The following ALDH3B2 variants were observed in gnomAD, a reference collection of about 807,000 sequenced individuals.
ALDH3B2 encodes the protein aldehyde dehydrogenase 3 family member B2.
Under a neutral mutation model 36.7 loss-of-function variants are expected in ALDH3B2, and 45 were observed. The observed-to-expected ratio is 1.23, with a 90% CI of 0.97 to 1.57. The LOEUF is 1.57. Ranked by LOEUF, ALDH3B2 falls within the 40% of genes most tolerant of loss-of-function variation. The pLI is 0.00. For missense variants in ALDH3B2, 464 were observed against 513.3 expected, an observed-to-expected ratio of 0.90 and a Z score of 0.93; for synonymous variants, 217 against 226.5, an observed-to-expected ratio of 0.96 and a Z score of 0.38.
At chr11:67,666,231 C>A (rs200854518) in intron 5 of ALDH3B2, 28 bp from the exon 6 acceptor site, 7 of 1,499,406 alleles carry the variant, frequency 4.7e-6, no homozygotes, top group Middle Eastern at 3.4e-4. Flanking sequence ...AGGCTCGGGG[C>A]GGGCTCGGGG....
chr11:67,673,004 C>G (rs1316828536), intron 1 of ALDH3B2, among the ~76,000 whole-genome samples: 1 of 150,230 alleles, frequency 6.7e-6, no homozygotes, highest in Non-Finnish European at 1.5e-5. Context: ...GATCTCAGCT[C>G]ACTGCAAACT....
chr11:67,675,492 C>T (rs140087296), upstream of ALDH3B2, among the ~76,000 whole-genome samples: 1,021 of 152,306 alleles, frequency 6.7e-3, 9 homozygotes, highest in African/African-American at 0.023. Flanking sequence ...ACCCCACCTT[C>T]CCCCAAGCCT....
At chr11:67,665,810 A>C (rs1204383157) in intron 6 of ALDH3B2, 139 bp from the exon 7 acceptor site, 1 of 1,344,084 alleles carries the variant, frequency 7.4e-7, no homozygotes, top group East Asian at 2.3e-5. Context: ...CCCCATCCTC[A>C]ACTGGCCTTG....
chr11:67,668,385 G>A (rs1855980048), intron 1 of ALDH3B2, among the ~76,000 whole-genome samples: 1 of 152,150 alleles, frequency 6.6e-6, no homozygotes, highest in South Asian at 2.1e-4. Context: ...CCCCAGTGGG[G>A]TCTGGAGAGG....
intron 1 of ALDH3B2, among the ~76,000 whole-genome samples, chr11:67,672,102 TTGTG>T (rs71058721): frequency 0.74 from 36,543 of 49,386 alleles, 14,820 homozygotes; most frequent in South Asian, 0.94. Flanking sequence ...TGTATGTATT[TTGTG>T]TGTGTGTGTG....
chr11:67,672,065 ATATATATATATATATATATATATG>A (rs1300733176), intron 1 of ALDH3B2, among the ~76,000 whole-genome samples: 1 of 80,086 alleles, frequency 1.2e-5, no homozygotes, highest in African/African-American at 5.4e-5. Flanking sequence ...ATATATATAT[ATATATATATATATATATATATATG>A]TATGTATGTA....
intron 4 of ALDH3B2, 74 bp downstream of exon 4, chr11:67,666,500 A>G: frequency 6.2e-7 from 1 of 1,607,380 alleles, no homozygotes; most frequent in South Asian, 1.1e-5. Context: ...GGTACCTCAG[A>G]GCAAGATTCC....
chr11:67,667,292 C>T (rs962535367), intron 2 of ALDH3B2, among the ~76,000 whole-genome samples, 181 bp downstream of exon 2: 6 of 152,022 alleles, frequency 3.9e-5, no homozygotes, highest in Admixed American at 1.3e-4. Flanking sequence ...CACAGGGTGG[C>T]TGTGAGTGTT....
At chr11:67,675,704 C>A (rs939469402), upstream of ALDH3B2, among the ~76,000 whole-genome samples, 1 of 152,170 alleles carries the variant, frequency 6.6e-6, no homozygotes, top group Admixed American at 6.5e-5. Context: ...AGGAAGGGAC[C>A]TCGGGATGGG....
upstream of ALDH3B2, among the ~76,000 whole-genome samples, chr11:67,678,720 T>TAC (rs1565252721): frequency 2.9e-3 from 430 of 150,398 alleles, 2 homozygotes; most frequent in African/African-American, 0.01. Flanking sequence ...TATATATATA[T>TAC]ATACACGCTA....
At chr11:67,680,946 T>G (rs1206194145) in intron 1 of ALDH3B2, among the ~76,000 whole-genome samples, 1 of 152,118 alleles carries the variant, frequency 6.6e-6, no homozygotes, top group African/African-American at 2.4e-5. Context: ...AGGGCAGGGT[T>G]TGAGGGATAT....
At chr11:67,666,285 T>A (rs1855908192) in intron 5 of ALDH3B2, 31 bp downstream of exon 5, 1 of 1,611,738 alleles carries the variant, frequency 6.2e-7, no homozygotes, top group Non-Finnish European at 8.5e-7. Flanking sequence ...TATGGGGACG[T>A]CGGGCACTGC....
rs147516066 is a variant in ALDH3B2, at chr11:67,672,659, G to A, written c.-245+1778C>T. Among the ~76,000 whole-genome samples the A allele has an allele frequency of 1.7e-3, 259 of 150,020 alleles. 4 individuals are homozygous for A. In the East Asian group the frequency reaches 0.027, roughly 16 times the overall value. On this transcript the variant is annotated intron_variant, in intron 1 of 9. Transcript: ENST00000349015. The stretch of plus-strand genomic sequence containing the variant: ...GCTGGAGTGCAACTGGCATGATCTC[G>A]GCTCACTGCAACCTCTGCCTCCCAG...
exon 6 of ALDH3B2, chr11:67,666,125 TGAA>T (rs772211382): frequency 3.2e-5 from 52 of 1,608,712 alleles, no homozygotes; most frequent in Non-Finnish European, 4.2e-5. Flanking sequence ...CCCTCACCTG[TGAA>T]GAAGATGTAG....
At chr11:67,674,120 C>A (rs1431497728) in intron 1 of ALDH3B2, among the ~76,000 whole-genome samples, 5 of 152,214 alleles carry the variant, frequency 3.3e-5, no homozygotes, top group African/African-American at 9.6e-5. Flanking sequence ...TCTCCTCTAA[C>A]CTGGGAGCTC....
At chr11:67,666,643 G>A (rs2134136164) in exon 4 of ALDH3B2, 2 of 1,614,200 alleles carry the variant, frequency 1.2e-6, no homozygotes, top group East Asian at 2.2e-5. Flanking sequence ...GCGATGATGA[G>A]GACCAGGCCA....
intron 1 of ALDH3B2, among the ~76,000 whole-genome samples, chr11:67,670,286 G>T (rs545335355): frequency 3.6e-4 from 54 of 150,646 alleles, no homozygotes; most frequent in Non-Finnish European, 3.4e-4. Context: ...GTCTGTGTGT[G>T]TATGGGTGTC....
chr11:67,664,491 G>A (rs759678603), exon 8 of ALDH3B2: 1 of 1,614,120 alleles, frequency 6.2e-7, no homozygotes, highest in South Asian at 1.1e-5. Flanking sequence ...TTCACGATGG[G>A]CAGGATGGGC....
chr11:67,665,426 G>C (rs776019552), exon 7 of ALDH3B2: 6 of 1,614,096 alleles, frequency 3.7e-6, no homozygotes, highest in South Asian at 1.1e-5. Context: ...CCATAGAAAC[G>C]GGTGATGGTG....
Sources: allele counts gnomAD v4.1 joint callset (sites outside exome capture counted in the v4.1 genomes callset), GRCh38; gene constraint gnomAD v4.1.1; transcripts MANE v1.5; gene names NCBI Gene and HGNC (gene_info 2026-07-23, HGNC 2026-07-21).